C12orf42: variants seen among roughly 807,000 people sequenced by gnomAD.
C12orf42 encodes chromosome 12 open reading frame 42.
C12orf42 carries 25 observed loss-of-function variants against 21.6 expected under a neutral mutation model. The observed-to-expected ratio is 1.16, with a 90% CI of 0.84 to 1.62. The LOEUF is 1.62. Among genes scored for constraint, C12orf42 ranks in the 40% most tolerant of loss-of-function variants. The probability of loss-of-function intolerance (pLI) is 0.00; values close to 1 mark genes in which losing one functional copy is unlikely to be tolerated. For missense variants in C12orf42, 483 were observed against 459.3 expected (o/e 1.05, Z -0.47); for synonymous variants, 174 against 175.0 (o/e 0.99, Z 0.05).
At chr12:103,131,971 GATA>G in the C12orf42 span, among the ~76,000 whole-genome samples, 2 of 152,122 alleles carry the variant, frequency 1.3e-5, no homozygotes, top group East Asian at 3.8e-4. Flanking sequence ...TGATGCTAGT[GATA>G]ATGATGATGG....
chr12:103,146,560 A>AAAAAGAAAGAAAG, the C12orf42 span, among the ~76,000 whole-genome samples: 32 of 120,054 alleles, frequency 2.7e-4, no homozygotes, highest in African/African-American at 9.2e-4. Flanking sequence ...ATAAAGAAAG[A>AAAAAGAAAGAAAG]AAAGAAAGAA....
At chr12:103,266,752 T>C (rs1322456285), downstream of C12orf42, among the ~76,000 whole-genome samples, 1 of 152,124 alleles carries the variant, frequency 6.6e-6, no homozygotes, top group Non-Finnish European at 1.5e-5. Flanking sequence ...AAAAGTAGAG[T>C]ATTTTTAGAT....
At chr12:103,201,787 C>A in the C12orf42 span, among the ~76,000 whole-genome samples, 868 of 152,238 alleles carry the variant, frequency 5.7e-3, no homozygotes, top group Non-Finnish European at 9.0e-3. Flanking sequence ...GTTCCTGGGC[C>A]AAATGCGTTG....
the C12orf42 span, among the ~76,000 whole-genome samples, chr12:103,106,768 CA>C: frequency 4.6e-5 from 7 of 151,434 alleles, no homozygotes; most frequent in Admixed American, 4.6e-4. Context: ...AGTCAAACAA[CA>C]AAAAAGAAGT....
intron 10 of C12orf42, among the ~76,000 whole-genome samples, chr12:103,244,299 G>T (rs1344874249): frequency 1.3e-5 from 2 of 151,946 alleles, no homozygotes; most frequent in East Asian, 3.9e-4. Flanking sequence ...AAAAGACAAG[G>T]GTTAACTGCT....
At chr12:103,506,088 C>T in the C12orf42 span, 3 of 223,804 alleles carry the variant, frequency 1.3e-5, no homozygotes, top group Non-Finnish European at 2.6e-5. Flanking sequence ...GAGTGAACCC[C>T]TGGAGCTTTT....
At chr12:103,116,037 C>T in the C12orf42 span, among the ~76,000 whole-genome samples, 3 of 152,118 alleles carry the variant, frequency 2.0e-5, no homozygotes, top group Non-Finnish European at 4.4e-5. Flanking sequence ...AAATGGGGAG[C>T]TGATCAACGT....
chr12:103,404,158 T>C (rs920608317), intron 2 of C12orf42, among the ~76,000 whole-genome samples: 1 of 152,214 alleles, frequency 6.6e-6, no homozygotes, highest in Non-Finnish European at 1.5e-5. Context: ...ACATAATTTA[T>C]GTACAAATAG....
rs76653693 is a variant in C12orf42 at position 103,387,856 on chromosome 12, G to A, written c.147+13751C>T. Among the ~76,000 whole-genome samples the A allele has an allele frequency of 5.3e-5, 8 of 152,270 alleles. No individual in the cohort carries two copies. In the East Asian group the frequency reaches 1.5e-3, roughly 29 times the overall value. On this transcript the variant is annotated intron_variant, in intron 3 of 5. Transcript: ENST00000548883. Reference sequence around the variant, plus strand: ...CCATCATACCTTTTCAAAGTCCTGAGACGTCCCTCTCACTTTTCTAACTGA... The same window carrying A: ...CCATCATACCTTTTCAAAGTCCTGAAACGTCCCTCTCACTTTTCTAACTGA...
At chr12:103,161,084 C>T in the C12orf42 span, among the ~76,000 whole-genome samples, 372 of 152,286 alleles carry the variant, frequency 2.4e-3, 1 homozygote, top group Middle Eastern at 6.8e-3. Context: ...GGATCTCAGA[C>T]GCAAAACGTG....
intron 4 of C12orf42, among the ~76,000 whole-genome samples, chr12:103,355,149 A>C (rs1720039759): frequency 1.3e-5 from 2 of 152,084 alleles, no homozygotes; most frequent in Non-Finnish European, 2.9e-5. Context: ...TTTGAGAAAA[A>C]TCACCATGAC....
chr12:103,411,167 TC>T (rs1681132960), intron 2 of C12orf42, among the ~76,000 whole-genome samples: 1 of 152,192 alleles, frequency 6.6e-6, no homozygotes, highest in African/African-American at 2.4e-5. Context: ...GCCAGCCTTA[TC>T]ATCATATCAA....
the C12orf42 span, among the ~76,000 whole-genome samples, chr12:103,181,603 C>T: frequency 6.6e-6 from 1 of 152,230 alleles, no homozygotes; most frequent in African/African-American, 2.4e-5. Context: ...AATCCACTGG[C>T]AGACATCAGT....
the C12orf42 span, among the ~76,000 whole-genome samples, chr12:103,133,447 C>T: frequency 1.3e-5 from 2 of 152,284 alleles, no homozygotes; most frequent in South Asian, 2.1e-4. Flanking sequence ...AAACCTGTTG[C>T]CCAAGAACAG....
At chr12:103,371,950 T>C (rs562433144) in intron 3 of C12orf42, among the ~76,000 whole-genome samples, 14 of 152,230 alleles carry the variant, frequency 9.2e-5, no homozygotes, top group African/African-American at 3.4e-4. Context: ...AAAGCAAGTC[T>C]CAAATCCACT....
At chr12:103,217,508 G>T in the C12orf42 span, among the ~76,000 whole-genome samples, 1 of 149,022 alleles carries the variant, frequency 6.7e-6, no homozygotes, top group South Asian at 2.2e-4. Flanking sequence ...CAGCTTAGGG[G>T]TGACAGAGTG....
At chr12:103,102,275 G>T in the C12orf42 span, among the ~76,000 whole-genome samples, 2 of 152,286 alleles carry the variant, frequency 1.3e-5, no homozygotes, top group South Asian at 4.2e-4. Flanking sequence ...AAAGAATCAA[G>T]ATCTTCCCCA....
intron 2 of C12orf42, among the ~76,000 whole-genome samples, chr12:103,415,642 G>T (rs2049252967): frequency 6.6e-6 from 1 of 152,138 alleles, no homozygotes. Context: ...TTTTAAGATA[G>T]CTGCGGAATA....
intron 4 of C12orf42, among the ~76,000 whole-genome samples, chr12:103,327,865 G>T (rs746512286): frequency 1.4e-4 from 22 of 152,266 alleles, no homozygotes; most frequent in Non-Finnish European, 2.9e-4. Flanking sequence ...AGTAAGAACA[G>T]ACCTCCTCTG....
Sources: gnomAD v4.1 joint callset for allele counts (sites outside exome capture counted in the v4.1 genomes callset) on GRCh38, gnomAD v4.1.1 for gene constraint, MANE v1.5 for transcripts, NCBI Gene and HGNC (gene_info 2026-07-23, HGNC 2026-07-21) for gene names.